The following IRF7 variants were observed in gnomAD, a reference collection of about 807,000 sequenced individuals.
IRF7 encodes interferon regulatory factor-7H.
A neutral mutation model predicts 51.3 loss-of-function variants in IRF7; 67 were observed. The ratio of observed to expected loss-of-function variants is 1.31; its 90% CI spans 1.07 to 1.60. The LOEUF (loss-of-function observed/expected upper bound fraction) is 1.60, where lower values mean the gene tolerates loss of function less well. Among genes scored for constraint, IRF7 ranks in the 40% most tolerant of loss-of-function variants. The pLI is 0.00. For missense variants in IRF7, 873 were observed against 701.5 expected (o/e 1.24, Z -2.76); for synonymous variants, 427 against 301.3 (o/e 1.42, Z -4.32).
rs779855922 is a variant in IRF7, at chr11:614,967, C to G, written c.224G>C (p.Arg75Thr). The G allele has an allele frequency of 3.9e-6, 6 of 1,557,398 alleles. No individual in the cohort carries two copies. The East Asian group carries it at 1.1e-4, about 30-fold the overall frequency. ...VARGRWPPSS[R>T]GGGPPPEAET... ...AGCCTCGGGGGGCGGGCCACCTCCC[C>G]TGCTGCTAGGCGGCCACCTGCCGCG... is the stretch of plus-strand genomic sequence containing the variant. The change falls in exon 4 of 11, where the codon AGG (arginine) becomes ACG (threonine). Residue 75 changes from arginine (R) to threonine (T), a missense_variant. Physicochemically the swap from Arg to Thr is moderately conservative, Grantham distance 71. Transcript: ENST00000525445.
At position 614,160 on chromosome 11, in the gene IRF7, G is replaced by A. The variant is rs1856668632; in HGVS notation, c.679+14C>T. ...CCCCTCCCGCGCTCCCCCCCTCCCC[G>A]GGCACGCCCACACCTCCAGCACAGG... On this transcript the variant is annotated intron_variant, in intron 6 of 10. Coordinates refer to ENST00000525445, the MANE Select transcript of IRF7 (RefSeq NM_001572.5). 3 of 1,547,830 alleles carry A rather than the reference G, an allele frequency of 1.9e-6. No individual in the cohort carries two copies. The highest frequency in any genetic ancestry group is 2.3e-5 in the East Asian group (1 of 44,240).
At position 613,597 on chromosome 11, in the gene IRF7, T is replaced by G. The variant is rs766015923; in HGVS notation, c.848-2A>C. ...CGTCCAGCGCCCCTGGGCTGGGCTC[T>G]GTGTGGAGACCAAGCTGTGAGTGAC... On this transcript the variant is annotated splice_acceptor_variant, in intron 8 of 10. Transcript: ENST00000525445. LOFTEE classifies it high-confidence loss of function. 1.9e-5 allele frequency: 29 copies of G among 1,502,696 alleles called. No homozygotes were observed. Among genetic ancestry groups the G allele is most frequent in the Non-Finnish European group, 2.6e-5 (29 of 1,125,888 alleles). The allele number at this position is 1,502,696 out of a possible 1,614,324, so 93.1% of individuals were successfully genotyped here.
chr11:613,099 G>T lies in IRF7; in HGVS notation c.1256C>A (p.Ala419Glu), dbSNP rs1856537210. The T allele has an allele frequency of 3.1e-6, 5 of 1,612,878 alleles. No individual in the cohort carries two copies. The highest frequency in any genetic ancestry group is 3.4e-6 in the Non-Finnish European group (4 of 1,179,962). ...VFFQELVEFR[A>E]RQRRGSPRYT... Reference sequence around the variant, plus strand: ...GCGTGGGGAGCCACGGCGCTGCCGTGCCCGGAATTCCACCAGCTCTGAAGA... The same window carrying T: ...GCGTGGGGAGCCACGGCGCTGCCGTTCCCGGAATTCCACCAGCTCTGAAGA... The change falls in exon 10 of 11, where the codon GCA becomes GAA. Residue 419 changes from alanine to glutamate, a missense_variant. By Grantham distance (107) the Ala-to-Glu change is moderately radical. Coordinates refer to ENST00000525445, the MANE Select transcript of IRF7 (RefSeq NM_001572.5).
rs900672604 is a variant in IRF7, at chr11:615,486, C to T, written c.-122G>A. 9 of 1,183,874 alleles carry T rather than the reference C, an allele frequency of 7.6e-6. No individual in the cohort carries two copies. The African/African-American group carries it at 1.2e-4, about 16-fold the overall frequency. 73.3% of individuals were successfully genotyped at this position (1,183,874 alleles called of 1,614,324 possible). ...CGTGTGGCCAGGTGTCACAGGTGTC[C>T]ACAGGTGTGGACTGAGGGCTTGTAG... is the stretch of plus-strand genomic sequence containing the variant. On this transcript the variant is annotated 5_prime_UTR_variant, in exon 2 of 11. Transcript: ENST00000525445.
Position 613,989 on chromosome 11 carries a change from G to T in IRF7, c.728C>A (p.Thr243Asn), listed in dbSNP as rs745709419. The T allele has an allele frequency of 1.2e-6, 2 of 1,608,416 alleles. No individual in the cohort carries two copies. Among genetic ancestry groups the T allele is most frequent in the South Asian group, 1.1e-5 (1 of 90,578 alleles). ...GELYGWAVET[T>N]PSPGPQPAAL... ...CGCGGGCTGGGGCCCGGGGCTGGGG[G>T]TCGTCTCTACTGCCCACCCGTACAG... The change falls in exon 7 of 11, where the codon ACC becomes AAC. Residue 243 changes from threonine to asparagine, a missense_variant. Coordinates refer to ENST00000525445, the MANE Select transcript of IRF7 (RefSeq NM_001572.5).
In IRF7 at chr11:613,604, A is replaced by G. The variant is rs1466969101; in HGVS notation, c.848-9T>C. On this transcript the variant is annotated splice_polypyrimidine_tract_variant and intron_variant, in intron 8 of 10. Transcript: ENST00000525445. Reference sequence around the variant, plus strand: ...CGCCCCTGGGCTGGGCTCTGTGTGGAGACCAAGCTGTGAGTGACGGGGGTG... The same window carrying G: ...CGCCCCTGGGCTGGGCTCTGTGTGGGGACCAAGCTGTGAGTGACGGGGGTG... The G allele has an allele frequency of 2.7e-6, 4 of 1,473,808 alleles. No individual in the cohort carries two copies. Among genetic ancestry groups the G allele is most frequent in the African/African-American group, 1.5e-5 (1 of 67,832 alleles). 91.3% of individuals were successfully genotyped at this position (1,473,808 alleles called of 1,614,324 possible). A position where few individuals can be genotyped will look rare whatever the true frequency, so the allele number is the denominator to read the frequency against.
In IRF7 at chr11:614,218, C is replaced by T. The variant is rs760352446; in HGVS notation, c.635G>A (p.Gly212Glu). Residue 212 changes from glycine to glutamate, a missense_variant, in exon 6 of 11, where the codon GGA (glycine) becomes GAA (glutamate). By Grantham distance (98) the Gly-to-Glu change is moderately conservative. Coordinates refer to ENST00000525445, the MANE Select transcript of IRF7 (RefSeq NM_001572.5). ...GADPVPTKAP[G>E]EGQEGLPLTG... ...CAGGGGAAGCCCTTCTTGTCCCTCTCCAGGAGCCTTGGTTGGGACTGGATC... is the reference window on the plus strand; with the variant it reads ...CAGGGGAAGCCCTTCTTGTCCCTCTTCAGGAGCCTTGGTTGGGACTGGATC... The T allele has an allele frequency of 6.8e-6, 11 of 1,613,076 alleles. No homozygotes were observed. Among genetic ancestry groups the T allele is most frequent in the South Asian group, 3.3e-5 (3 of 91,068 alleles).
At chr11:613,140 G>A in intron 9 of IRF7, 23 bp from the exon 10 acceptor site, 1 of 1,609,126 alleles carries the variant, frequency 6.2e-7, no homozygotes, top group Non-Finnish European at 8.5e-7. Flanking sequence ...ACTCTGCTGA[G>A]TACCTGGCAG....
In IRF7 at chr11:613,632, C is replaced by T. The variant is rs749313509; in HGVS notation, c.848-37G>A. ...CCAAGCTGTGAGTGACGGGGGTGGG[C>T]GGGGACAGGCTGTGAGTGACGGGGG... On this transcript the variant is annotated intron_variant, in intron 8 of 10. Coordinates refer to ENST00000525445, the MANE Select transcript of IRF7 (RefSeq NM_001572.5). 54 of 822,916 alleles carry T rather than the reference C, an allele frequency of 6.6e-5. 1 individual carries two copies. The African/African-American group carries it at 1.4e-3, about 21-fold the overall frequency. 51.0% of individuals were successfully genotyped at this position (822,916 alleles called of 1,614,324 possible).
Position 614,843 on chromosome 11 carries a change from G to T in IRF7, c.348C>A (p.Ala116=). The change falls in exon 4 of 11, where the codon GCC becomes GCA. Residue 116 remains alanine (A), a synonymous_variant. Transcript: ENST00000525445. ...TGAGCGCGTACACCTTGTGCGGGTC[G>T]GCCGGGTCCCCCGAGTTATCCCGCA... ...VMLRDNSGDP[A]DPHKVYALSR... is the part of the protein sequence containing the mutation. 1 of 1,562,388 alleles carries T rather than the reference G, an allele frequency of 6.4e-7. No individual in the cohort carries two copies. Among genetic ancestry groups the T allele is most frequent in the Non-Finnish European group, 8.7e-7 (1 of 1,154,882 alleles).
At chr11:613,651 A>AC (rs1270428075) in intron 8 of IRF7, 56 bp from the exon 9 acceptor site, 2 of 366,394 alleles carry the variant, frequency 5.5e-6, no homozygotes, top group Non-Finnish European at 7.8e-6. Context: ...GCTGTGAGTG[A>AC]CGGGGGTGGG....
rs1185952202 is a variant in IRF7, at chr11:614,907, A to C, written c.284T>G (p.Phe95Cys). 3 of 1,588,870 alleles carry C rather than the reference A, an allele frequency of 1.9e-6. No individual in the cohort carries two copies. The highest frequency in any genetic ancestry group is 1.3e-5 in the African/African-American group (1 of 74,160). ...TAERAGWKTN[F>C]RCALRSTRRF... is the part of the protein sequence containing the mutation. ...ACGCGTGCTGCGCAGTGCGCAGCGG[A>C]AGTTGGTTTTCCAGCCGGCGCGCTC... Residue 95 changes from phenylalanine (F) to cysteine (C), a missense_variant, in exon 4 of 11, where the codon TTC becomes TGC. By Grantham distance (205) the Phe-to-Cys change is radical (BLOSUM62 -2). Coordinates refer to ENST00000525445, the MANE Select transcript of IRF7 (RefSeq NM_001572.5).
At chr11:614,422 AC>A in intron 5 of IRF7, 23 bp from the exon 6 acceptor site, 1 of 1,590,586 alleles carries the variant, frequency 6.3e-7, no homozygotes, top group Non-Finnish European at 8.6e-7. Flanking sequence ...GTCAGGGTGA[AC>A]GTAAGCAGCT....
Position 612,636 on chromosome 11 carries a change from G to A in IRF7, c.*9C>T. 1 of 1,612,272 alleles carries A rather than the reference G, an allele frequency of 6.2e-7. No homozygotes were observed. The highest frequency in any genetic ancestry group is 1.1e-5 in the South Asian group (1 of 91,078). On this transcript the variant is annotated 3_prime_UTR_variant, in exon 11 of 11. Transcript: ENST00000525445. Reference sequence around the variant, plus strand: ...CTCCAGCTTTCTGGAGTTCTCATTAGACTGGGTTCTAGGCGGGCTGCTCCA... The same window carrying A: ...CTCCAGCTTTCTGGAGTTCTCATTAAACTGGGTTCTAGGCGGGCTGCTCCA...
intron 10 of IRF7, 27 bp downstream of exon 10, chr11:612,972 C>G: frequency 6.2e-7 from 1 of 1,608,746 alleles, no homozygotes; most frequent in Middle Eastern, 1.7e-4. Flanking sequence ...AGCACATGGC[C>G]TCCCCTCCTT....
In IRF7 at chr11:613,982, G is replaced by C. The variant is rs373936700; in HGVS notation, c.735C>G (p.Ser245Arg). Residue 245 changes from serine (S) to arginine (R), a missense_variant, in exon 7 of 11, where the codon AGC (serine) becomes AGG (arginine). By Grantham distance (110) the Ser-to-Arg change is moderately radical. Transcript: ENST00000525445. ...TTAGTGCCGCGGGCTGGGGCCCGGG[G>C]CTGGGGGTCGTCTCTACTGCCCACC... The part of the protein sequence containing the change: ...LYGWAVETTP[S>R]PGPQPAALTT... 5 of 1,607,954 alleles carry C rather than the reference G, an allele frequency of 3.1e-6. No individual in the cohort carries two copies. The highest frequency in any genetic ancestry group is 1.7e-4 in the Middle Eastern group (1 of 6,034).
In IRF7 at chr11:615,107, C is replaced by T. The variant is rs766334448; in HGVS notation, c.173G>A (p.Arg58His). The T allele has an allele frequency of 3.8e-6, 6 of 1,589,684 alleles. No individual in the cohort carries two copies. In the African/African-American group the frequency reaches 6.7e-5, roughly 18 times the overall value. ...ARKDLSEADA[R>H]IFKAWAVARG... The stretch of plus-strand genomic sequence containing the variant: ...GGCTGGGGTCCCCACCTTGAAGATG[C>T]GCGCGTCGGCCTCGCTCAGGTCCTT... Residue 58 changes from arginine (R) to histidine (H), a missense_variant, in exon 3 of 11, where the codon CGC (arginine) becomes CAC (histidine). Arg to His is a conservative substitution (Grantham distance 29). Coordinates refer to ENST00000525445, the MANE Select transcript of IRF7 (RefSeq NM_001572.5).
chr11:613,812 A>T lies in IRF7; in HGVS notation c.820T>A (p.Ser274Thr), dbSNP rs1564881921. The T allele has an allele frequency of 1.3e-6, 2 of 1,574,676 alleles. No individual in the cohort carries two copies. The highest frequency in any genetic ancestry group is 1.7e-6 in the Non-Finnish European group (2 of 1,168,216). Residue 274 changes from serine (S) to threonine (T), a missense_variant, in exon 8 of 11, where the codon TCC (serine) becomes ACC (threonine). Physicochemically the swap from Ser to Thr is moderately conservative, Grantham distance 58 (BLOSUM62 1). Transcript: ENST00000525445. ...TGCACCGCGGTGCAGGCGCTTGGGG[A>T]GGGTGACAGGTACGGCTCTGCCTGG... ...PHQAEPYLSP[S>T]PSACTAVQEP...
chr11:614,754 A>C (rs1448637609), intron 4 of IRF7, 43 bp downstream of exon 4: 4 of 1,510,076 alleles, frequency 2.6e-6, no homozygotes, highest in Non-Finnish European at 3.5e-6. Context: ...CCTTTGCCCA[A>C]GCAGGACGAA....
Sources: gnomAD v4.1 joint callset for allele counts on GRCh38, gnomAD v4.1.1 for gene constraint, MANE v1.5 for transcripts, NCBI Gene and HGNC (gene_info 2026-07-23, HGNC 2026-07-21) for gene names.